Variants in GNAS observed in about 807,000 individuals in gnomAD.
The protein encoded by GNAS is GNAS complex locus, also known as protein ALEX.
Under a neutral mutation model 54.5 loss-of-function variants are expected in GNAS, and 8 were observed. That is an observed-to-expected ratio of 0.15 (90% CI 0.09 to 0.26). The LOEUF (loss-of-function observed/expected upper bound fraction) is 0.26, where lower values mean the gene tolerates loss of function less well. Ranked by LOEUF, GNAS falls within the 10% of genes least tolerant of loss-of-function variation. GNAS has a pLI of 1.00. For missense variants in GNAS, 170 were observed against 529.8 expected, an observed-to-expected ratio of 0.32 and a Z score of 6.67; for synonymous variants, 204 against 191.4, an observed-to-expected ratio of 1.07 and a Z score of -0.54.
intron 1 of GNAS, among the ~76,000 whole-genome samples, chr20:58,885,213 C>A (rs1378338939): frequency 1.3e-5 from 2 of 152,188 alleles, no homozygotes; most frequent in African/African-American, 4.8e-5. Flanking sequence ...GGGCGTCTGT[C>A]CACAGAGACC....
At chr20:58,868,170 G>A (rs934494538) in intron 1 of GNAS, among the ~76,000 whole-genome samples, 7 of 151,962 alleles carry the variant, frequency 4.6e-5, no homozygotes, top group Admixed American at 1.3e-4. Context: ...ACAGGCGCAC[G>A]CCACCACACA....
intron 1 of GNAS, among the ~76,000 whole-genome samples, chr20:58,871,644 A>G (rs1403679920): frequency 6.6e-6 from 1 of 150,700 alleles, no homozygotes; most frequent in Non-Finnish European, 1.5e-5. Context: ...CAACAAAAAA[A>G]AAACCAAAAA....
intron 1 of GNAS, among the ~76,000 whole-genome samples, chr20:58,879,377 G>A (rs1017814959): frequency 7.9e-5 from 12 of 152,164 alleles, no homozygotes; most frequent in African/African-American, 2.9e-4. Flanking sequence ...ATTTTTCACT[G>A]CTAGAAATAT....
intron 1 of GNAS, among the ~76,000 whole-genome samples, chr20:58,875,799 G>A (rs1197839885): frequency 2.0e-5 from 3 of 152,138 alleles, no homozygotes; most frequent in Non-Finnish European, 4.4e-5. Context: ...CAGCGTCCAC[G>A]GCTATGACAC....
chr20:58,853,114 C>T lies in GNAS; in HGVS notation c.43+12228C>T, dbSNP rs536898938. 2.8e-5 allele frequency: 40 copies of T among 1,426,140 alleles called. 2 individuals are homozygous for T. The South Asian group carries it at 6.0e-4, about 21-fold the overall frequency. 88.3% of individuals were successfully genotyped at this position (1,426,140 alleles called of 1,614,324 possible). ...AGGGTTCCTTCCAGGCCTTGAACCC[C>T]CCAACCTCACAAGGGTTGGAAAGTG... On this transcript the variant is annotated intron_variant, in intron 1 of 12. Coordinates refer to the GNAS transcript ENST00000306090. This position sits in a 1 kb window ranked among gnomAD's most constrained non-coding sequence, Gnocchi z 4.4.
intron 1 of GNAS, chr20:58,885,009 C>T (rs2088492072): frequency 6.6e-6 from 1 of 152,226 alleles, no homozygotes; most frequent in Non-Finnish European, 1.5e-5. Flanking sequence ...GTGTGTCCAC[C>T]TAGAATCTTC....
At chr20:58,903,011 C>G in intron 3 of GNAS, 1 of 232,682 alleles carries the variant, frequency 4.3e-6, no homozygotes, top group Non-Finnish European at 8.6e-6. Flanking sequence ...GCTGGGATTA[C>G]AGGTGTGAGC....
At chr20:58,902,695 G>A (rs1329457540) in intron 3 of GNAS, among the ~76,000 whole-genome samples, 1 of 145,792 alleles carries the variant, frequency 6.9e-6, no homozygotes, top group Admixed American at 6.9e-5. Flanking sequence ...ATTGCTGCTA[G>A]CTGCAGTGCC....
chr20:58,845,035 C>CGT (rs3842443), intron 1 of GNAS, among the ~76,000 whole-genome samples: 80,735 of 151,040 alleles, frequency 0.53, 22,972 homozygotes, highest in East Asian at 0.8. Context: ...GTGTGTTTTA[C>CGT]GTGTGTGTGT....
intron 1 of GNAS, among the ~76,000 whole-genome samples, chr20:58,894,833 C>G (rs781176621): frequency 2.0e-4 from 30 of 152,160 alleles, no homozygotes; most frequent in Non-Finnish European, 3.2e-4. Context: ...TGCAGTTTAC[C>G]TAATGCTAAT....
chr20:58,895,558 C>T (rs950159802), intron 1 of GNAS, 54 bp from the exon 2 acceptor site: 2 of 1,067,546 alleles, frequency 1.9e-6, no homozygotes, highest in South Asian at 2.5e-5. Context: ...GACCTCCCTG[C>T]CCAAAGTGTT....
At chr20:58,875,323 T>C (rs920917563) in intron 1 of GNAS, among the ~76,000 whole-genome samples, 10 of 152,210 alleles carry the variant, frequency 6.6e-5, no homozygotes, top group African/African-American at 2.2e-4. Flanking sequence ...TTCTCTTCAG[T>C]TAATCCCATT....
intron 1 of GNAS, among the ~76,000 whole-genome samples, chr20:58,843,648 G>A (rs1006473431): frequency 1.3e-5 from 2 of 152,258 alleles, no homozygotes; most frequent in African/African-American, 4.8e-5. Flanking sequence ...AATGGAGGGT[G>A]AGGGAGGAGG....
chr20:58,859,232 C>A (rs1051266634), intron 1 of GNAS, among the ~76,000 whole-genome samples: 1 of 152,262 alleles, frequency 6.6e-6, no homozygotes, highest in Admixed American at 6.5e-5. Flanking sequence ...ACAAAGTCTC[C>A]CTCTGTCACC....
In GNAS at chr20:58,854,234, C is replaced by T. The variant is rs189777461; in HGVS notation, c.43+13348C>T. ...CCGCTGGGGTCGACGACACTCCCGT[C>T]AACATGGACAGCCCCCCAATCGCGC... On this transcript the variant is annotated intron_variant, in intron 1 of 12. Coordinates refer to the GNAS transcript ENST00000306090. 12 of 1,613,322 alleles carry T rather than the reference C, an allele frequency of 7.4e-6. No individual in the cohort carries two copies. The African/African-American group carries it at 1.1e-4, about 14-fold the overall frequency.
upstream of GNAS, chr20:58,840,488 G>A (rs201893644): frequency 1.2e-5 from 20 of 1,613,308 alleles, no homozygotes; most frequent in East Asian, 1.8e-4. The surrounding 1 kb of genome is among the most constrained non-coding windows in gnomAD (Gnocchi z 6.0). Context: ...CTTCGAGACC[G>A]AGCCTGAGAC....
intron 1 of GNAS, among the ~76,000 whole-genome samples, chr20:58,862,926 G>A (rs1321422179): frequency 2.7e-5 from 4 of 148,214 alleles, no homozygotes; most frequent in Non-Finnish European, 5.9e-5. Context: ...TGAGCTCAAG[G>A]ACCTGAGCTT....
chr20:58,889,302 C>CGGCG (rs938100391), upstream of GNAS: 140 of 989,900 alleles, frequency 1.4e-4, no homozygotes, highest in Non-Finnish European at 1.5e-4. Flanking sequence ...CGCGGGGCGG[C>CGGCG]GGCGGGCGGC....
rs2087625416 is a variant in GNAS, at chr20:58,873,906, A to C, written c.44-21706A>C. ...AAAGATTGTCAACCAAAAGACTTCAACAACCTGCTAAGAGTCTTCCAGCCC... is the reference window on the plus strand; with the variant it reads ...AAAGATTGTCAACCAAAAGACTTCACCAACCTGCTAAGAGTCTTCCAGCCC... On this transcript the variant is annotated intron_variant, in intron 1 of 12. Coordinates refer to the GNAS transcript ENST00000306090. The surrounding 1 kb of genome is among the most constrained non-coding windows in gnomAD (Gnocchi z 4.3). 6.6e-6 allele frequency among the ~76,000 whole-genome samples: 1 copy of C among 152,224 alleles called. No homozygotes were observed.
Sources: gnomAD v4.1 joint callset for allele counts (sites outside exome capture counted in the v4.1 genomes callset) on GRCh38, gnomAD v4.1.1 for gene constraint, Gnocchi (gnomAD v3.1) non-coding constraint, MANE v1.5 for transcripts, NCBI Gene and HGNC (gene_info 2026-07-23, HGNC 2026-07-21) for gene names.